The following TMCC1 variants were observed in gnomAD, a reference collection of about 807,000 sequenced individuals.
TMCC1 encodes the protein transmembrane and coiled-coil domains protein 1.
TMCC1 carries 15 observed loss-of-function variants against 52.4 expected under a neutral mutation model. That is an observed-to-expected ratio of 0.29 (90% CI 0.19 to 0.44). The LOEUF (loss-of-function observed/expected upper bound fraction) is 0.44. TMCC1 is among the 20% of genes least tolerant of loss of function. The pLI is 1.00. For synonymous variants in TMCC1, 279 were observed against 301.9 expected, an observed-to-expected ratio of 0.92 and a Z score of 0.79; for missense variants, 503 against 806.0, an observed-to-expected ratio of 0.62 and a Z score of 4.55.
At chr3:129,805,654 T>C (rs1314711163) in intron 4 of TMCC1, among the ~76,000 whole-genome samples, 1 of 152,168 alleles carries the variant, frequency 6.6e-6, no homozygotes, top group Non-Finnish European at 1.5e-5. Flanking sequence ...CATTTCTGGC[T>C]GGACTGGGTG....
chr3:129,674,872 C>G (rs1260256113), intron 4 of TMCC1, among the ~76,000 whole-genome samples: 4 of 151,846 alleles, frequency 2.6e-5, no homozygotes, highest in Non-Finnish European at 5.9e-5. Context: ...CAGAGTTTTG[C>G]TTTTGTTGCC....
In TMCC1 at chr3:129,818,475, T is replaced by C. The variant is rs529377553; in HGVS notation, c.576+9328A>G. 2.4e-3 allele frequency among the ~76,000 whole-genome samples: 273 copies of C among 113,576 alleles called. 2 individuals are homozygous for C. Among genetic ancestry groups the C allele is most frequent in the African/African-American group, 6.3e-3 (166 of 26,464 alleles). The allele number at this position is 113,576 out of a possible 152,430, so 74.5% of individuals were successfully genotyped here. On this transcript the variant is annotated intron_variant, in intron 4 of 6. Coordinates refer to ENST00000393238, the MANE Select transcript of TMCC1 (RefSeq NM_001017395.5). ...TAAAGAAACTTTTAAAGAAAAGTTT[T>C]AAAGAAACTTTTAAAGAAAAGTTTT... is the stretch of plus-strand genomic sequence containing the variant.
intron 1 of TMCC1, among the ~76,000 whole-genome samples, chr3:129,888,215 G>A (rs751123047): frequency 2.6e-5 from 4 of 152,194 alleles, no homozygotes; most frequent in African/African-American, 4.8e-5. Context: ...TTACATATAA[G>A]CAAGGTAAGG....
intron 4 of TMCC1, among the ~76,000 whole-genome samples, chr3:129,773,052 A>G (rs1328700467): frequency 6.6e-6 from 1 of 152,234 alleles, no homozygotes; most frequent in African/African-American, 2.4e-5. Flanking sequence ...ATAAAAATGT[A>G]CATAAACAAG....
intron 4 of TMCC1, among the ~76,000 whole-genome samples, chr3:129,729,772 T>G (rs996323788): frequency 9.2e-5 from 14 of 152,112 alleles, no homozygotes; most frequent in Non-Finnish European, 1.9e-4. Context: ...ACGCTTACAT[T>G]AGCCCACAGT....
rs12497933 is a variant in TMCC1 at position 129,758,441 on chromosome 3, A to G, written c.576+69362T>C. ...TTTTCTAGTTCTGTAAGCTAAAAGA[A>G]GCAATGACACTCCCGTAGCAATCTT... is the stretch of plus-strand genomic sequence containing the variant. On this transcript the variant is annotated intron_variant, in intron 4 of 6. Transcript: ENST00000393238. Among the ~76,000 whole-genome samples, 650 of 152,360 alleles carry G rather than the reference A, an allele frequency of 4.3e-3. 11 individuals are homozygous for G. The highest frequency in any genetic ancestry group is 0.037 in the Admixed American group (573 of 15,308).
chr3:129,878,982 T>C (rs1291220675), intron 2 of TMCC1, among the ~76,000 whole-genome samples: 1 of 152,184 alleles, frequency 6.6e-6, no homozygotes, highest in Non-Finnish European at 1.5e-5. Flanking sequence ...TGTGTATGGC[T>C]CACTCCTTCA....
At chr3:129,845,311 C>G (rs1367787198) in intron 2 of TMCC1, among the ~76,000 whole-genome samples, 4 of 151,886 alleles carry the variant, frequency 2.6e-5, no homozygotes, top group Non-Finnish European at 5.9e-5. Flanking sequence ...AGCAAGCCAA[C>G]TGAGCAATCA....
At chr3:129,884,117 A>C (rs2061585705) in intron 1 of TMCC1, among the ~76,000 whole-genome samples, 1 of 152,190 alleles carries the variant, frequency 6.6e-6, no homozygotes, top group Non-Finnish European at 1.5e-5. Flanking sequence ...AAAAGGATTC[A>C]TTGTCAGCAA....
chr3:129,779,947 CAG>C (rs1248400371), intron 4 of TMCC1, among the ~76,000 whole-genome samples: 1 of 152,146 alleles, frequency 6.6e-6, no homozygotes, highest in African/African-American at 2.4e-5. Context: ...GCCATGCCAG[CAG>C]AGTTTATTCA....
chr3:129,659,576 T>G (rs1397943462), intron 5 of TMCC1, among the ~76,000 whole-genome samples: 1 of 152,248 alleles, frequency 6.6e-6, no homozygotes. Flanking sequence ...GTGAGGAATA[T>G]ATATGAATCA....
intron 4 of TMCC1, among the ~76,000 whole-genome samples, chr3:129,766,503 C>T (rs1436007053): frequency 6.6e-6 from 1 of 152,168 alleles, no homozygotes; most frequent in African/African-American, 2.4e-5. Flanking sequence ...AAGTATTTAG[C>T]ACAATGCCTA....
chr3:129,856,798 A>G (rs1374519914), intron 2 of TMCC1, among the ~76,000 whole-genome samples: 1 of 152,084 alleles, frequency 6.6e-6, no homozygotes, highest in Non-Finnish European at 1.5e-5. Context: ...CTAAGTCAAG[A>G]AATTCTTTTA....
intron 4 of TMCC1, among the ~76,000 whole-genome samples, chr3:129,739,190 C>G (rs889506935): frequency 1.3e-5 from 2 of 151,930 alleles, no homozygotes; most frequent in African/African-American, 2.4e-5. Context: ...TTTTTTGAGA[C>G]AGAATCTCAC....
intron 4 of TMCC1, among the ~76,000 whole-genome samples, chr3:129,706,707 T>C (rs2108986444): frequency 6.6e-6 from 1 of 152,310 alleles, no homozygotes; most frequent in East Asian, 1.9e-4. Context: ...CAACCACCTA[T>C]TTAATGGTCA....
At chr3:129,760,906 C>A (rs914697836) in intron 4 of TMCC1, among the ~76,000 whole-genome samples, 15 of 152,030 alleles carry the variant, frequency 9.9e-5, no homozygotes, top group Admixed American at 9.2e-4. Flanking sequence ...GCCACTGCAC[C>A]CAGCCCACGT....
chr3:129,883,367 C>G (rs1468037424), intron 1 of TMCC1, among the ~76,000 whole-genome samples: 2 of 151,906 alleles, frequency 1.3e-5, no homozygotes, highest in Non-Finnish European at 2.9e-5. Context: ...AATCCCAGCA[C>G]TTTGGGAGAC....
intron 2 of TMCC1, among the ~76,000 whole-genome samples, chr3:129,858,452 C>A (rs2060242088): frequency 6.6e-6 from 1 of 152,146 alleles, no homozygotes; most frequent in Non-Finnish European, 1.5e-5. Context: ...CTCACTGCAA[C>A]CTCTGCCTCC....
At chr3:129,829,536 A>G (rs1215468257) in intron 3 of TMCC1, among the ~76,000 whole-genome samples, 2 of 150,956 alleles carry the variant, frequency 1.3e-5, no homozygotes. Context: ...TTTGTACTGT[A>G]TTTGTGCAAA....
Sources: allele counts gnomAD v4.1 joint callset (sites outside exome capture counted in the v4.1 genomes callset), GRCh38; gene constraint gnomAD v4.1.1; transcripts MANE v1.5; gene names NCBI Gene and HGNC (gene_info 2026-07-23, HGNC 2026-07-21).